Variants in EPHA2 observed in about 807,000 individuals in gnomAD.
EPHA2 encodes the protein EPH receptor A2, also known as ephrin type-A receptor 2.
In EPHA2, 54 loss-of-function variants were observed where a neutral mutation model predicts 104.9. That is an observed-to-expected ratio of 0.51 (90% confidence interval 0.41 to 0.65). EPHA2 has a LOEUF of 0.65. Ranked by LOEUF, EPHA2 falls within the 30% of genes least tolerant of loss-of-function variation. The pLI is 0.00. For missense variants in EPHA2, 1,117 were observed against 1,369.5 expected (o/e 0.82, Z 2.91); for synonymous variants, 560 against 559.1 (o/e 1.00, Z -0.02).
Position 16,135,816 on chromosome 1 carries a change from G to T in EPHA2, c.1313-46C>A. ...GGGAAGTGGGTAAGAAGCTGCCTACGAGCAGGCAGGGTTTGGGGGGACAAG... is the reference window on the plus strand; with the variant it reads ...GGGAAGTGGGTAAGAAGCTGCCTACTAGCAGGCAGGGTTTGGGGGGACAAG... On this transcript the variant is annotated intron_variant, in intron 5 of 16. Transcript: ENST00000358432. The surrounding 1 kb of genome is among the most constrained non-coding windows in gnomAD (Gnocchi z 4.3). 1.0e-6 allele frequency: 1 copy of T among 952,416 alleles called. No individual in the cohort carries two copies. The allele number at this position is 952,416 out of a possible 1,614,324, so 59.0% of individuals were successfully genotyped here. A position where few individuals can be genotyped will look rare whatever the true frequency, so the allele number is the denominator to read the frequency against.
In EPHA2 at chr1:16,132,212, C is replaced by A. The variant is rs777878852; in HGVS notation, c.2177G>T (p.Gly726Val). The part of the protein sequence containing the change: ...LVGMLRGIAA[G>V]MKYLANMNYV... Reference sequence around the variant, plus strand: ...GTTCATGTTGGCCAGGTACTTCATGCCAGCTGCGATGCCCCGCAGCATGCC... The same window carrying A: ...GTTCATGTTGGCCAGGTACTTCATGACAGCTGCGATGCCCCGCAGCATGCC... The change falls in exon 13 of 17, where the codon GGC becomes GTC. Residue 726 changes from glycine to valine, a missense_variant. Physicochemically the swap from Gly to Val is moderately radical, Grantham distance 109 (BLOSUM62 -3). This residue lies in a region of EPHA2 where 340 missense variants were observed against 480.5 expected (regional missense o/e 0.71). Coordinates refer to ENST00000358432, the MANE Select transcript of EPHA2 (RefSeq NM_004431.5). 1 of 1,614,190 alleles carries A rather than the reference C, an allele frequency of 6.2e-7. No individual in the cohort carries two copies. Among genetic ancestry groups the A allele is most frequent in the Non-Finnish European group, 8.5e-7 (1 of 1,180,030 alleles).
rs961354060 is a variant in EPHA2 at position 16,135,847 on chromosome 1, G to A, written c.1313-77C>T. On this transcript the variant is annotated intron_variant, in intron 5 of 16. Coordinates refer to ENST00000358432, the MANE Select transcript of EPHA2 (RefSeq NM_004431.5). The surrounding 1 kb of genome is among the most constrained non-coding windows in gnomAD (Gnocchi z 4.3). ...GCAGGGTTTGGGGGGACAAGTGGAC[G>A]TGGAGCCACATCCTCCACAGCCCAG... 42 of 741,866 alleles carry A rather than the reference G, an allele frequency of 5.7e-5. No individual in the cohort carries two copies. In the East Asian group the frequency reaches 7.2e-4, roughly 13 times the overall value. 46.0% of individuals were successfully genotyped at this position (741,866 alleles called of 1,614,324 possible).
intron 2 of EPHA2, among the ~76,000 whole-genome samples, chr1:16,149,678 C>T (rs1187633420): frequency 6.6e-6 from 1 of 152,168 alleles, no homozygotes; most frequent in African/African-American, 2.4e-5. Context: ...GGGCCAGGTG[C>T]CCCCCGCCAC....
chr1:16,136,888 T>G (rs543549372), intron 5 of EPHA2, among the ~76,000 whole-genome samples: 1 of 150,504 alleles, frequency 6.6e-6, no homozygotes, highest in Non-Finnish European at 1.5e-5. Flanking sequence ...AACCTCCACC[T>G]CCTGGGTTCA....
chr1:16,151,215 A>G (rs765116856), intron 1 of EPHA2, among the ~76,000 whole-genome samples: 20 of 152,208 alleles, frequency 1.3e-4, no homozygotes, highest in Non-Finnish European at 2.1e-4. Context: ...CTCCCAGGCC[A>G]GGATTCCAGC....
chr1:16,130,938 C>G lies in EPHA2; in HGVS notation c.2476-519G>C, dbSNP rs1016682496. On this transcript the variant is annotated intron_variant, in intron 14 of 16. Transcript: ENST00000358432. The surrounding 1 kb of genome is among the most constrained non-coding windows in gnomAD (Gnocchi z 4.5). ...CGCCATTGCTCCCAGCTAGAAGGGA[C>G]CCTGCTCCCTCACAGGGCACCAGGC... 1.3e-5 allele frequency among the ~76,000 whole-genome samples: 2 copies of G among 152,138 alleles called. No homozygotes were observed. The highest frequency in any genetic ancestry group is 4.8e-5 in the African/African-American group (2 of 41,442).
chr1:16,132,151 G>T lies in EPHA2; in HGVS notation c.2238C>A (p.Leu746=). ...CCTTGCAGACCAGGTTGCTGTTGAC[G>T]AGGATGTTGCGGGCAGCCAGGTCAC... ...VHRDLAARNI[L]VNSNLVCKVS... Residue 746 remains leucine (L), a synonymous_variant, in exon 13 of 17, where the codon CTC becomes CTA. Transcript: ENST00000358432. 6.2e-7 allele frequency: 1 copy of T among 1,614,226 alleles called. No individual in the cohort carries two copies. Among genetic ancestry groups the T allele is most frequent in the Admixed American group, 1.7e-5 (1 of 60,034 alleles).
At chr1:16,155,597 C>T (rs1569628043) in intron 1 of EPHA2, 2 of 396,792 alleles carry the variant, frequency 5.0e-6, no homozygotes, top group East Asian at 7.5e-5. Context: ...GCGTGGCCTG[C>T]GCCGCGTCCT....
intron 3 of EPHA2, among the ~76,000 whole-genome samples, chr1:16,141,956 G>C (rs1230413692): frequency 6.6e-6 from 1 of 152,208 alleles, no homozygotes; most frequent in Non-Finnish European, 1.5e-5. Flanking sequence ...AAGTGCTCAG[G>C]GGTCCCAGAG....
In EPHA2 at chr1:16,135,684, A is replaced by G. The variant is rs775431065; in HGVS notation, c.1399T>C (p.Trp467Arg). ...SIPPPQQSRV[W>R]KYEVTYRKKG... is the part of the protein sequence containing the mutation. ...TTGCGGTAAGTGACCTCGTACTTCC[A>G]CACTCGGCTCTGCTGCGGCGGGGGG... Residue 467 changes from tryptophan to arginine, a missense_variant, in exon 6 of 17, where the codon TGG (tryptophan) becomes CGG (arginine). Coordinates refer to ENST00000358432, the MANE Select transcript of EPHA2 (RefSeq NM_004431.5). This position sits in a 1 kb window ranked among gnomAD's most constrained non-coding sequence, Gnocchi z 4.3. 29 of 1,613,622 alleles carry G rather than the reference A, an allele frequency of 1.8e-5. No homozygotes were observed. The African/African-American group carries it at 2.9e-4, about 16-fold the overall frequency.
At position 16,135,723 on chromosome 1, in the gene EPHA2, C is replaced by T. The variant is rs778319091; in HGVS notation, c.1360G>A (p.Val454Ile). 5.6e-6 allele frequency: 9 copies of T among 1,613,352 alleles called. No individual in the cohort carries two copies. Among genetic ancestry groups the T allele is most frequent in the African/African-American group, 1.3e-5 (1 of 74,828 alleles). ...TGCGGCGGGGGGATGCTCCAGGAGACGCTAAGCGAGGTGGTGCTGCGGCCC... is the reference window on the plus strand; with the variant it reads ...TGCGGCGGGGGGATGCTCCAGGAGATGCTAAGCGAGGTGGTGCTGCGGCCC... The part of the protein sequence containing the change: ...LEGRSTTSLS[V>I]SWSIPPPQQS... The change falls in exon 6 of 17, where the codon GTC becomes ATC. Residue 454 changes from valine (V) to isoleucine (I), a missense_variant. Transcript: ENST00000358432. The surrounding 1 kb of genome is among the most constrained non-coding windows in gnomAD (Gnocchi z 4.3).
At position 16,131,749 on chromosome 1, in the gene EPHA2, C is replaced by T. The variant is rs1465354927; in HGVS notation, c.2447G>A (p.Arg816Gln). 13 of 1,613,984 alleles carry T rather than the reference C, an allele frequency of 8.1e-6. No individual in the cohort carries two copies. The highest frequency in any genetic ancestry group is 2.2e-5 in the East Asian group (1 of 44,902). ...GTGGTTGGACAACTCCCAGTAGGGC[C>T]GCTCGCCATAGGTCATCACCTCCCA... ...VMWEVMTYGE[R>Q]PYWELSNHEV... The change falls in exon 14 of 17, where the codon CGG (arginine) becomes CAG (glutamine). Residue 816 changes from arginine (R) to glutamine (Q), a missense_variant. By Grantham distance (43) the Arg-to-Gln change is conservative. This residue lies in a region of EPHA2 where 340 missense variants were observed against 480.5 expected (regional missense o/e 0.71). Transcript: ENST00000358432. This position sits in a 1 kb window ranked among gnomAD's most constrained non-coding sequence, Gnocchi z 5.2.
At chr1:16,152,720 G>C (rs984438878) in intron 1 of EPHA2, among the ~76,000 whole-genome samples, 1 of 152,208 alleles carries the variant, frequency 6.6e-6, no homozygotes, top group African/African-American at 2.4e-5. Flanking sequence ...GTGCCCAAGT[G>C]AGAGGGCTCA....
intron 15 of EPHA2, 113 bp from the exon 16 acceptor site, chr1:16,129,702 C>T (rs947263487): frequency 7.2e-7 from 1 of 1,386,410 alleles, no homozygotes; most frequent in Non-Finnish European, 9.6e-7. Context: ...GCCTCCGTCT[C>T]CTTATCTGGG....
chr1:16,142,089 C>G (rs2024834492), intron 3 of EPHA2, among the ~76,000 whole-genome samples: 1 of 152,208 alleles, frequency 6.6e-6, no homozygotes, highest in Admixed American at 6.5e-5. Context: ...CCCACATACA[C>G]CAGATACCTA....
At position 16,137,931 on chromosome 1, in the gene EPHA2, C is replaced by A; in HGVS notation, c.1234G>T (p.Val412Leu). The A allele has an allele frequency of 6.2e-7, 1 of 1,614,134 alleles. No individual in the cohort carries two copies. The highest frequency in any genetic ancestry group is 8.5e-7 in the Non-Finnish European group (1 of 1,180,036). Reference sequence around the variant, plus strand: ...CCTGAGACGCCATTGCGGGCCTCCACGGTGAAGGTGTAGTTCATGTGGGGC... The same window carrying A: ...CCTGAGACGCCATTGCGGGCCTCCAAGGTGAAGGTGTAGTTCATGTGGGGC... ...LEPHMNYTFT[V>L]EARNGVSGLV... The change falls in exon 5 of 17, where the codon GTG becomes TTG. Residue 412 changes from valine (V) to leucine (L), a missense_variant. This residue lies in a region of EPHA2 where 664 missense variants were observed against 784.8 expected (regional missense o/e 0.85). Coordinates refer to ENST00000358432, the MANE Select transcript of EPHA2 (RefSeq NM_004431.5).
In EPHA2 at chr1:16,134,643, C is replaced by G; in HGVS notation, c.1583-76G>C. ...CAACACCCGCGCTGCACCCAAGACA[C>G]CTGGGCCCCTACTGTGTGCTGGGTG... On this transcript the variant is annotated intron_variant, in intron 7 of 16. Coordinates refer to ENST00000358432, the MANE Select transcript of EPHA2 (RefSeq NM_004431.5). This position sits in a 1 kb window ranked among gnomAD's most constrained non-coding sequence, Gnocchi z 4.5. 6.8e-7 allele frequency: 1 copy of G among 1,467,762 alleles called. No homozygotes were observed. The highest frequency in any genetic ancestry group is 2.4e-5 in the East Asian group (1 of 41,494). The allele number at this position is 1,467,762 out of a possible 1,614,324, so 90.9% of individuals were successfully genotyped here. A position where few individuals can be genotyped will look rare whatever the true frequency, so the allele number is the denominator to read the frequency against.
In EPHA2 at chr1:16,125,087, G is replaced by A. The variant is rs972635865; in HGVS notation, c.*128C>T. 1.7e-5 allele frequency: 15 copies of A among 862,648 alleles called. No homozygotes were observed. Among genetic ancestry groups the A allele is most frequent in the South Asian group, 8.7e-5 (6 of 68,716 alleles). 53.4% of individuals were successfully genotyped at this position (862,648 alleles called of 1,614,324 possible). A position where few individuals can be genotyped will look rare whatever the true frequency, so the allele number is the denominator to read the frequency against. Reference sequence around the variant, plus strand: ...AGGGTGTCATCCGAGACCCCTCAGCGGAAGTTGCAGGGGGAGGAAAGAACT... The same window carrying A: ...AGGGTGTCATCCGAGACCCCTCAGCAGAAGTTGCAGGGGGAGGAAAGAACT... On this transcript the variant is annotated 3_prime_UTR_variant, in exon 17 of 17. Transcript: ENST00000358432. The surrounding 1 kb of genome is among the most constrained non-coding windows in gnomAD (Gnocchi z 4.9).
At position 16,148,809 on chromosome 1, in the gene EPHA2, C is replaced by T. The variant is rs925816706; in HGVS notation, c.392G>A (p.Gly131Asp). ...GAACAGGCGCTTCTGGAAGTTGGTG[C>T]CGTAGTCCAGGTCCGACTCGGCATA... Reference protein sequence around the residue: ...LYYAESDLDYGTNFQKRLFTK... With the variant: ...LYYAESDLDYDTNFQKRLFTK... The change falls in exon 3 of 17, where the codon GGC becomes GAC. Residue 131 changes from glycine (G) to aspartate (D), a missense_variant. Transcript: ENST00000358432. The surrounding 1 kb of genome is among the most constrained non-coding windows in gnomAD (Gnocchi z 4.9). The T allele has an allele frequency of 6.2e-7, 1 of 1,614,002 alleles. No individual in the cohort carries two copies. The highest frequency in any genetic ancestry group is 8.5e-7 in the Non-Finnish European group (1 of 1,180,050).
Sources: allele counts gnomAD v4.1 joint callset (sites outside exome capture counted in the v4.1 genomes callset), GRCh38; gene constraint gnomAD v4.1.1; regional missense constraint gnomAD v4.1.1; non-coding constraint Gnocchi (gnomAD v3.1); transcripts MANE v1.5; gene names NCBI Gene and HGNC (gene_info 2026-07-23, HGNC 2026-07-21).